The following FHAD1 variants were observed in gnomAD, a reference collection of about 807,000 sequenced individuals.
FHAD1 encodes the protein forkhead associated phosphopeptide binding domain 1.
FHAD1 carries 146 observed loss-of-function variants against 191.3 expected under a neutral mutation model. The ratio of observed to expected loss-of-function variants is 0.76; its 90% CI spans 0.67 to 0.88. The LOEUF (loss-of-function observed/expected upper bound fraction) is 0.88, where lower values mean the gene tolerates loss of function less well. Among genes scored for constraint, FHAD1 ranks in the 40% least tolerant of loss-of-function variants. The pLI, the probability that FHAD1 is intolerant of heterozygous loss-of-function variation, is 0.00. For missense variants in FHAD1, 1,635 were observed against 1,785.8 expected, an observed-to-expected ratio of 0.92 and a Z score of 1.52; for synonymous variants, 616 against 672.3, an observed-to-expected ratio of 0.92 and a Z score of 1.29.
chr1:15,290,028 C>T (rs1664003888), intron 4 of FHAD1, among the ~76,000 whole-genome samples: 1 of 152,138 alleles, frequency 6.6e-6, no homozygotes, highest in Admixed American at 6.6e-5. Context: ...ATTGCAATCC[C>T]CTTTGCCCCC....
chr1:15,359,077 G>C (rs2473361), intron 21 of FHAD1, among the ~76,000 whole-genome samples: 2 of 152,066 alleles, frequency 1.3e-5, no homozygotes, highest in Non-Finnish European at 1.5e-5. Flanking sequence ...AGGCCAGGGC[G>C]CCTGGGGACC....
In FHAD1 at chr1:15,332,323, A is replaced by G. The variant is rs1315495951; in HGVS notation, c.1906+2782A>G. Among the ~76,000 whole-genome samples, 3 of 152,226 alleles carry G rather than the reference A, an allele frequency of 2.0e-5. No homozygotes were observed. In the South Asian group the frequency reaches 6.2e-4, roughly 32 times the overall value. ...CTCCATCCTGGCAATAATAGAGCCA[A>G]GCTACGTGTGCACTGTCCCCTTCCC... On this transcript the variant is annotated intron_variant, in intron 14 of 33. Transcript: ENST00000688493.
At chr1:15,243,047 C>A (rs1019843263), upstream of FHAD1, among the ~76,000 whole-genome samples, 1 of 152,086 alleles carries the variant, frequency 6.6e-6, no homozygotes, top group African/African-American at 2.4e-5. Flanking sequence ...ACAGACAGAC[C>A]CCCCCACAGC....
intron 4 of FHAD1, among the ~76,000 whole-genome samples, chr1:15,293,529 CT>C (rs1665692813): frequency 6.6e-6 from 1 of 152,114 alleles, no homozygotes; most frequent in African/African-American, 2.4e-5. Flanking sequence ...ACCAGCCTGA[CT>C]AACATGGTGA....
intron 22 of FHAD1, among the ~76,000 whole-genome samples, chr1:15,361,960 C>T (rs1208915765): frequency 6.6e-6 from 1 of 150,686 alleles, no homozygotes; most frequent in East Asian, 2.0e-4. Context: ...GCCGAGATCG[C>T]GCCATTGCAC....
Position 15,345,122 on chromosome 1 carries a change from A to C in FHAD1, c.2170A>C (p.Lys724Gln), listed in dbSNP as rs1688349051. Residue 724 changes from lysine to glutamine, a missense_variant, in exon 17 of 34, where the codon AAA becomes CAA. Physicochemically the swap from Lys to Gln is moderately conservative, Grantham distance 53. Coordinates refer to ENST00000688493, the MANE Select transcript of FHAD1 (RefSeq NM_001391957.1). ...EYITQERNRAKETLEEERKRM... is the reference protein window; with the variant it reads ...EYITQERNRAQETLEEERKRM... ...CATTACTCAAGAGAGAAACAGAGCGAAAGAGACTTTAGAGGAAGAACGGAA... is the reference window on the plus strand; with the variant it reads ...CATTACTCAAGAGAGAAACAGAGCGCAAGAGACTTTAGAGGAAGAACGGAA... 7.7e-6 allele frequency: 12 copies of C among 1,551,870 alleles called. No individual in the cohort carries two copies. The highest frequency in any genetic ancestry group is 1.0e-5 in the Non-Finnish European group (12 of 1,147,032).
intron 26 of FHAD1, among the ~76,000 whole-genome samples, chr1:15,372,214 A>C (rs2102853020): frequency 2.2e-5 from 3 of 136,454 alleles, no homozygotes; most frequent in African/African-American, 2.7e-5. Context: ...AAGGAAGGGA[A>C]CGAGTGGTGG....
At chr1:15,293,286 A>G (rs1427222815) in intron 4 of FHAD1, among the ~76,000 whole-genome samples, 3 of 152,146 alleles carry the variant, frequency 2.0e-5, no homozygotes, top group African/African-American at 7.2e-5. Context: ...CACTCTTCCA[A>G]ATTCTTTTTC....
At chr1:15,364,026 C>T (rs1188994576) in intron 23 of FHAD1, 1 of 321,192 alleles carries the variant, frequency 3.1e-6, no homozygotes, top group East Asian at 8.3e-5. Context: ...AATCTAGAAA[C>T]GGTGGTGCCC....
chr1:15,357,062 C>T (rs1345349901), intron 20 of FHAD1, among the ~76,000 whole-genome samples: 1 of 152,084 alleles, frequency 6.6e-6, no homozygotes, highest in Non-Finnish European at 1.5e-5. Context: ...TCAGTCTTTA[C>T]GTCCTTAGGA....
chr1:15,365,018 C>T (rs1162428343), intron 23 of FHAD1, among the ~76,000 whole-genome samples: 1 of 152,234 alleles, frequency 6.6e-6, no homozygotes, highest in Non-Finnish European at 1.5e-5. Context: ...GCCCCTGTTG[C>T]CTGGGCCACA....
chr1:15,355,674 A>AT (rs1212754225), intron 20 of FHAD1, among the ~76,000 whole-genome samples: 1 of 152,188 alleles, frequency 6.6e-6, no homozygotes, highest in Non-Finnish European at 1.5e-5. Flanking sequence ...ACTCCGTGGC[A>AT]TGCCTGCCAG....
chr1:15,388,292 CTCCTTCCCT>C (rs1557449608), intron 32 of FHAD1, 161 bp downstream of exon 32: 9 of 355,334 alleles, frequency 2.5e-5, no homozygotes, highest in East Asian at 8.8e-5. Context: ...CCCTCCCTCC[CTCCTTCCCT>C]TCCCTCCCCA....
In FHAD1 at chr1:15,367,626, G is replaced by A; in HGVS notation, c.3314+4G>A. ...AGGCCCTTGAGGAGGCACTCAGGTT[G>A]GGTGGGCGGGGGCCGGGTTGGGGGG... On this transcript the variant is annotated splice_donor_region_variant and intron_variant, in intron 25 of 33. Coordinates refer to ENST00000688493, the MANE Select transcript of FHAD1 (RefSeq NM_001391957.1). 6.5e-7 allele frequency: 1 copy of A among 1,540,992 alleles called. No homozygotes were observed. The highest frequency in any genetic ancestry group is 8.7e-7 in the Non-Finnish European group (1 of 1,143,464).
In FHAD1 at chr1:15,358,300, C is replaced by G. The variant is rs533348276; in HGVS notation, c.2736+17C>G. The G allele has an allele frequency of 6.6e-7, 1 of 1,519,410 alleles. No individual in the cohort carries two copies. The highest frequency in any genetic ancestry group is 8.8e-7 in the Non-Finnish European group (1 of 1,139,264). 94.1% of individuals were successfully genotyped at this position (1,519,410 alleles called of 1,614,324 possible). ...ACAAAAATGGTAAGTCGGTGCCTTC[C>G]GGGAACGGGAGAATTTTTCTCTCAA... On this transcript the variant is annotated intron_variant, in intron 21 of 33. Transcript: ENST00000688493.
Position 15,251,810 on chromosome 1 carries a change from A to G in FHAD1, c.26A>G (p.Glu9Gly). Residue 9 changes from glutamate to glycine, a missense_variant, in exon 2 of 34, where the codon GAA (glutamate) becomes GGA (glycine). Physicochemically the swap from Glu to Gly is moderately conservative, Grantham distance 98. Transcript: ENST00000688493. MKAYLKSA[E>G]GFFVLNKSTT... Reference sequence around the variant, plus strand: ...ATGAAGGCCTATCTAAAGAGCGCAGAAGGCTTTTTTGTCCTAAATAAAAGT... The same window carrying G: ...ATGAAGGCCTATCTAAAGAGCGCAGGAGGCTTTTTTGTCCTAAATAAAAGT... The G allele has an allele frequency of 6.4e-7, 1 of 1,552,268 alleles. No individual in the cohort carries two copies. Among genetic ancestry groups the G allele is most frequent in the Middle Eastern group, 1.7e-4 (1 of 5,994 alleles).
At chr1:15,331,831 G>A (rs1292240685) in intron 14 of FHAD1, among the ~76,000 whole-genome samples, 2 of 152,090 alleles carry the variant, frequency 1.3e-5, no homozygotes, top group Non-Finnish European at 2.9e-5. Context: ...CAGTCTTGAA[G>A]AACAGCCAGA....
At chr1:15,286,198 T>G (rs1428914554) in intron 3 of FHAD1, among the ~76,000 whole-genome samples, 1 of 152,198 alleles carries the variant, frequency 6.6e-6, no homozygotes, top group Non-Finnish European at 1.5e-5. Context: ...GTTATGTATT[T>G]TTTTACAATT....
intron 18 of FHAD1, among the ~76,000 whole-genome samples, chr1:15,348,553 C>T (rs776631231): frequency 1.3e-5 from 2 of 152,194 alleles, no homozygotes; most frequent in Non-Finnish European, 2.9e-5. Context: ...ATTGGTGTAT[C>T]GTGGCTCATT....
Sources: gnomAD v4.1 joint callset for allele counts (sites outside exome capture counted in the v4.1 genomes callset) on GRCh38, gnomAD v4.1.1 for gene constraint, MANE v1.5 for transcripts, NCBI Gene and HGNC (gene_info 2026-07-23, HGNC 2026-07-21) for gene names.